Variants in KCNIP1 observed in about 807,000 individuals in gnomAD.
The protein encoded by KCNIP1 is potassium voltage-gated channel interacting protein 1.
In KCNIP1, 18 loss-of-function variants were observed where a neutral mutation model predicts 33.0. That is an observed-to-expected ratio of 0.55 (90% CI 0.38 to 0.81). The LOEUF is 0.81. Ranked by LOEUF, KCNIP1 falls within the 30% of genes least tolerant of loss-of-function variation. KCNIP1 has a pLI of 0.00. For synonymous variants in KCNIP1, 93 were observed against 98.3 expected (o/e 0.95, Z 0.32); for missense variants, 238 against 271.6 (o/e 0.88, Z 0.87).
chr5:170,555,962 T>C (rs567444659), intron 1 of KCNIP1, among the ~76,000 whole-genome samples: 1 of 152,152 alleles, frequency 6.6e-6, no homozygotes, highest in Non-Finnish European at 1.5e-5. Flanking sequence ...CCAGGTACCC[T>C]CTGAACCAGC....
chr5:170,679,723 GT>G (rs33955018), intron 1 of KCNIP1, among the ~76,000 whole-genome samples: 2,491 of 144,208 alleles, frequency 0.017, 54 homozygotes, highest in African/African-American at 0.051. Context: ...AACTTAGGGT[GT>G]TTTTTTTTTC....
intron 1 of KCNIP1, among the ~76,000 whole-genome samples, chr5:170,585,560 G>A (rs1400405774): frequency 6.6e-6 from 1 of 152,076 alleles, no homozygotes; most frequent in African/African-American, 2.4e-5. Context: ...GCCCATTACA[G>A]GCCTACAATA....
chr5:170,532,842 C>A (rs775408894), intron 1 of KCNIP1, among the ~76,000 whole-genome samples: 15 of 152,154 alleles, frequency 9.9e-5, no homozygotes, highest in Non-Finnish European at 1.9e-4. Context: ...TCTTTCTGAT[C>A]CTCTCCTCCT....
chr5:170,394,152 GC>G (rs1011948425), intron 1 of KCNIP1, among the ~76,000 whole-genome samples: 5 of 152,088 alleles, frequency 3.3e-5, no homozygotes, highest in Admixed American at 3.3e-4. Context: ...TTGCCTCCTG[GC>G]CAGCTCTTCC....
chr5:170,504,759 G>A lies in KCNIP1; in HGVS notation c.61+126G>A. On this transcript the variant is annotated intron_variant, in intron 1 of 7. Transcript: ENST00000328939. The surrounding 1 kb of genome is among the most constrained non-coding windows in gnomAD (Gnocchi z 6.0). The stretch of plus-strand genomic sequence containing the variant: ...CCACGAGGAGCCCGGACAGGTGCTT[G>A]TATCCAAAGGAGAGAGAAATCGGCG... The A allele has an allele frequency of 1.3e-6, 1 of 781,360 alleles. No homozygotes were observed. The highest frequency in any genetic ancestry group is 2.2e-6 in the Non-Finnish European group (1 of 464,358). 48.4% of individuals were successfully genotyped at this position (781,360 alleles called of 1,614,324 possible).
At chr5:170,472,343 C>A (rs1756749094) in intron 1 of KCNIP1, among the ~76,000 whole-genome samples, 1 of 152,202 alleles carries the variant, frequency 6.6e-6, no homozygotes, top group Non-Finnish European at 1.5e-5. Context: ...GGCGCCTGCC[C>A]CACAGTCCTG....
intron 1 of KCNIP1, among the ~76,000 whole-genome samples, chr5:170,638,851 G>A (rs1760407243): frequency 6.6e-6 from 1 of 152,202 alleles, no homozygotes; most frequent in Non-Finnish European, 1.5e-5. Context: ...CTGCATCCCT[G>A]GGAGGCAATG....
At chr5:170,659,507 A>C (rs1761394571) in intron 1 of KCNIP1, among the ~76,000 whole-genome samples, 1 of 152,232 alleles carries the variant, frequency 6.6e-6, no homozygotes, top group Admixed American at 6.5e-5. Context: ...CTGAATTCCT[A>C]CTGCATGGAG....
At chr5:170,704,947 A>G (rs1368280452) in intron 1 of KCNIP1, among the ~76,000 whole-genome samples, 1 of 152,116 alleles carries the variant, frequency 6.6e-6, no homozygotes, top group African/African-American at 2.4e-5. Context: ...TTCATTTTAC[A>G]TTTTTATTGG....
chr5:170,456,001 C>T (rs1370552093), intron 1 of KCNIP1, among the ~76,000 whole-genome samples: 1 of 152,224 alleles, frequency 6.6e-6, no homozygotes, highest in African/African-American at 2.4e-5. Flanking sequence ...TATAAAGACA[C>T]ATGCATACAT....
chr5:170,686,475 G>A (rs866077307), intron 1 of KCNIP1, among the ~76,000 whole-genome samples: 1 of 152,156 alleles, frequency 6.6e-6, no homozygotes, highest in South Asian at 2.1e-4. Context: ...ATAATCATTG[G>A]CCTTTAGGAG....
At chr5:170,465,405 T>C (rs1756587385) in intron 1 of KCNIP1, among the ~76,000 whole-genome samples, 1 of 152,190 alleles carries the variant, frequency 6.6e-6, no homozygotes, top group Admixed American at 6.5e-5. Flanking sequence ...AACTGAGCTT[T>C]TCCAAGCTGT....
chr5:170,394,962 T>C (rs1231335464), intron 1 of KCNIP1, among the ~76,000 whole-genome samples: 1 of 152,224 alleles, frequency 6.6e-6, no homozygotes, highest in African/African-American at 2.4e-5. Context: ...TATTCCAAGG[T>C]GTATACGTAG....
intron 1 of KCNIP1, among the ~76,000 whole-genome samples, chr5:170,388,358 C>T (rs1284820492): frequency 5.9e-5 from 9 of 152,056 alleles, no homozygotes; most frequent in Admixed American, 1.3e-4. Context: ...GAACCTTTGG[C>T]GGGAGGAAGG....
Position 170,489,981 on chromosome 5 carries a change from G to A in KCNIP1, c.88+136017G>A, listed in dbSNP as rs1757173682. 6.6e-6 allele frequency among the ~76,000 whole-genome samples: 1 copy of A among 152,158 alleles called. No homozygotes were observed. Among genetic ancestry groups the A allele is most frequent in the South Asian group, 2.1e-4 (1 of 4,832 alleles). ...GAAGGAGATGAGCTCCAGGGTTTGAGGGTTAAGGACATTCACCAGTCTCCC... is the reference window on the plus strand; with the variant it reads ...GAAGGAGATGAGCTCCAGGGTTTGAAGGTTAAGGACATTCACCAGTCTCCC... On this transcript the variant is annotated intron_variant, in intron 1 of 7. Transcript: ENST00000377360. This position sits in a 1 kb window ranked among gnomAD's most constrained non-coding sequence, Gnocchi z 4.3.
At chr5:170,628,175 G>A (rs1464852310) in intron 1 of KCNIP1, among the ~76,000 whole-genome samples, 1 of 152,138 alleles carries the variant, frequency 6.6e-6, no homozygotes, top group African/African-American at 2.4e-5. Flanking sequence ...TGAGACTATT[G>A]GGCCTAGCAA....
chr5:170,438,328 C>A (rs548959686), intron 1 of KCNIP1, among the ~76,000 whole-genome samples: 4 of 152,150 alleles, frequency 2.6e-5, no homozygotes, highest in African/African-American at 9.7e-5. Context: ...CAGAGCAGGG[C>A]CCACTCTGGG....
intron 1 of KCNIP1, among the ~76,000 whole-genome samples, chr5:170,665,497 A>C (rs1761670331): frequency 1.3e-5 from 2 of 152,182 alleles, no homozygotes; most frequent in Admixed American, 1.3e-4. Context: ...AATAGTTTTA[A>C]ATTATAGTTA....
intron 1 of KCNIP1, among the ~76,000 whole-genome samples, chr5:170,469,699 A>T (rs1365284795): frequency 6.6e-6 from 1 of 152,142 alleles, no homozygotes; most frequent in Non-Finnish European, 1.5e-5. Context: ...TCAACACGTG[A>T]GCCATCTTTT....
Sources: gnomAD v4.1 joint callset for allele counts (sites outside exome capture counted in the v4.1 genomes callset) on GRCh38, gnomAD v4.1.1 for gene constraint, Gnocchi (gnomAD v3.1) non-coding constraint, MANE v1.5 for transcripts, NCBI Gene and HGNC (gene_info 2026-07-23, HGNC 2026-07-21) for gene names.